GALNT17: variants seen among roughly 807,000 people sequenced by gnomAD.
The protein encoded by GALNT17 is polypeptide N-acetylgalactosaminyltransferase 17.
A neutral mutation model predicts 63.7 loss-of-function variants in GALNT17; 29 were observed. The observed-to-expected ratio is 0.46, with a 90% CI of 0.34 to 0.62. GALNT17 has a LOEUF of 0.62. Among genes scored for constraint, GALNT17 ranks in the 20% least tolerant of loss-of-function variants. GALNT17 has a pLI of 0.01. For synonymous variants in GALNT17, 305 were observed against 318.3 expected (o/e 0.96, Z 0.45); for missense variants, 603 against 799.6 (o/e 0.75, Z 2.97).
At chr7:71,401,606 C>T (rs1793242884) in intron 3 of GALNT17, among the ~76,000 whole-genome samples, 1 of 152,110 alleles carries the variant, frequency 6.6e-6, no homozygotes, top group Non-Finnish European at 1.5e-5. Flanking sequence ...CTCGCGTTAC[C>T]ACCTGAGCTC....
intron 1 of GALNT17, among the ~76,000 whole-genome samples, chr7:71,216,544 A>G (rs973141665): frequency 1.3e-5 from 2 of 152,034 alleles, no homozygotes; most frequent in Non-Finnish European, 2.9e-5. Context: ...ATATACGTAT[A>G]TTATACATAT....
chr7:71,270,350 C>T (rs779549553), intron 1 of GALNT17, among the ~76,000 whole-genome samples: 5 of 151,622 alleles, frequency 3.3e-5, no homozygotes, highest in Non-Finnish European at 5.9e-5. Context: ...GATGAAACCC[C>T]GTCTCTACTA....
intron 5 of GALNT17, among the ~76,000 whole-genome samples, chr7:71,468,862 T>G (rs993297615): frequency 2.0e-5 from 3 of 152,202 alleles, no homozygotes; most frequent in African/African-American, 7.2e-5. Flanking sequence ...ATCTATTTGC[T>G]CAATAAAAAA....
intron 2 of GALNT17, among the ~76,000 whole-genome samples, chr7:71,345,324 C>T (rs1792072755): frequency 1.3e-5 from 2 of 152,148 alleles, no homozygotes; most frequent in African/African-American, 2.4e-5. Context: ...GCTTTCTCCT[C>T]TCAAACCATG....
intron 9 of GALNT17, among the ~76,000 whole-genome samples, chr7:71,695,373 C>T (rs1485228367): frequency 6.6e-6 from 1 of 152,142 alleles, no homozygotes. Context: ...TGCTTGAATC[C>T]AGCATGATGA....
chr7:71,487,882 T>G lies in GALNT17; in HGVS notation c.962+66777T>G, dbSNP rs1199085208. Among the ~76,000 whole-genome samples, 4 of 151,958 alleles carry G rather than the reference T, an allele frequency of 2.6e-5. No homozygotes were observed. In the East Asian group the frequency reaches 7.8e-4, roughly 29 times the overall value. On this transcript the variant is annotated intron_variant, in intron 5 of 10. Transcript: ENST00000333538. ...GTGGCCAGCCATCAAGATCCCAGTT[T>G]TGGAGCCGGGCATGGTAGCTCACAC... is the stretch of plus-strand genomic sequence containing the variant.
chr7:71,664,746 G>A (rs1790958666), intron 6 of GALNT17, among the ~76,000 whole-genome samples: 1 of 152,212 alleles, frequency 6.6e-6, no homozygotes, highest in African/African-American at 2.4e-5. Flanking sequence ...AGATGGGAAA[G>A]GCAGCCTTCA....
At chr7:71,205,233 A>G (rs1796092) in intron 1 of GALNT17, among the ~76,000 whole-genome samples, 71,898 of 145,404 alleles carry the variant, frequency 0.49, 21,369 homozygotes, top group African/African-American at 0.84. Flanking sequence ...TGCTCATTGC[A>G]ACCCCCACCT....
intron 1 of GALNT17, among the ~76,000 whole-genome samples, chr7:71,326,912 CTTT>C: frequency 6.6e-6 from 1 of 152,304 alleles, no homozygotes; most frequent in East Asian, 1.9e-4. Flanking sequence ...AGATTCTCTT[CTTT>C]GTGACCATAA....
chr7:71,530,561 T>C (rs1274564029), intron 5 of GALNT17, among the ~76,000 whole-genome samples: 59 of 149,220 alleles, frequency 4.0e-4, no homozygotes, highest in African/African-American at 1.2e-3. Flanking sequence ...TTTATTTATT[T>C]ATTTATTTAT....
chr7:71,448,605 A>G (rs1007757618), intron 5 of GALNT17, among the ~76,000 whole-genome samples: 10 of 152,116 alleles, frequency 6.6e-5, no homozygotes, highest in Non-Finnish European at 1.2e-4. Context: ...CATAACACTC[A>G]GTACTTGTTT....
At chr7:71,417,420 T>A (rs1293594628) in intron 4 of GALNT17, among the ~76,000 whole-genome samples, 1 of 152,154 alleles carries the variant, frequency 6.6e-6, no homozygotes, top group Non-Finnish European at 1.5e-5. Flanking sequence ...CAAACCCTGG[T>A]GACACCCAGC....
intron 6 of GALNT17, among the ~76,000 whole-genome samples, chr7:71,575,085 G>A (rs1049801970): frequency 1.3e-5 from 2 of 152,070 alleles, no homozygotes; most frequent in South Asian, 2.1e-4. Context: ...ACAGAGCTCC[G>A]TTTTTCAAAT....
chr7:71,377,125 ATATATAT>A (rs1176000620), intron 2 of GALNT17, among the ~76,000 whole-genome samples: 1 of 103,716 alleles, frequency 9.6e-6, no homozygotes, highest in African/African-American at 3.3e-5. Flanking sequence ...ATATATATAT[ATATATAT>A]ATATATATAA....
chr7:71,249,137 A>G (rs547892018), intron 1 of GALNT17, among the ~76,000 whole-genome samples: 131 of 152,344 alleles, frequency 8.6e-4, no homozygotes, highest in Middle Eastern at 3.4e-3. Context: ...AGCAAAACTC[A>G]CAGCCAATAT....
chr7:71,565,059 G>A (rs1789318913), intron 5 of GALNT17, among the ~76,000 whole-genome samples: 1 of 152,164 alleles, frequency 6.6e-6, no homozygotes, highest in South Asian at 2.1e-4. Context: ...TTGAGATCAG[G>A]AGTTCGAGAC....
chr7:71,245,848 G>GTTTTTTTTTTTT (rs542136452), intron 1 of GALNT17, among the ~76,000 whole-genome samples: 24 of 122,880 alleles, frequency 2.0e-4, no homozygotes, highest in African/African-American at 3.8e-4. Context: ...AAGAGAGCAG[G>GTTTTTTTTTTTT]TTTTTTTTTT....
intron 5 of GALNT17, among the ~76,000 whole-genome samples, chr7:71,503,813 G>T (rs754668649): frequency 3.3e-5 from 5 of 152,032 alleles, no homozygotes; most frequent in Non-Finnish European, 5.9e-5. Context: ...ACGTTAATAA[G>T]GGCTGGGCAC....
intron 6 of GALNT17, among the ~76,000 whole-genome samples, chr7:71,572,220 T>TAAA (rs879513819): frequency 8.4e-6 from 1 of 119,004 alleles, no homozygotes; most frequent in African/African-American, 3.1e-5. Flanking sequence ...CTATGAAAAA[T>TAAA]AAAAAAAAAA....
Sources: allele counts gnomAD v4.1 joint callset (sites outside exome capture counted in the v4.1 genomes callset), GRCh38; gene constraint gnomAD v4.1.1; transcripts MANE v1.5; gene names NCBI Gene and HGNC (gene_info 2026-07-23, HGNC 2026-07-21).